VTI1A: variants seen among roughly 807,000 people sequenced by gnomAD.
The protein encoded by VTI1A is vesicle transport through interaction with t-SNAREs 1A.
In VTI1A, 22 loss-of-function variants were observed where a neutral mutation model predicts 34.9. That is an observed-to-expected ratio of 0.63 (90% CI 0.45 to 0.90). VTI1A has a LOEUF of 0.90. Among genes scored for constraint, VTI1A ranks in the 40% least tolerant of loss-of-function variants. VTI1A has a pLI of 0.00. For missense variants in VTI1A, 268 were observed against 275.6 expected, an observed-to-expected ratio of 0.97 and a Z score of 0.20; for synonymous variants, 87 against 97.3, an observed-to-expected ratio of 0.89 and a Z score of 0.62.
chr10:112,514,800 A>G (rs34139797), intron 3 of VTI1A, among the ~76,000 whole-genome samples: 21,028 of 151,952 alleles, frequency 0.14, 1,764 homozygotes, highest in East Asian at 0.28. Context: ...TTGAAGCATT[A>G]TATTTCACCT....
At chr10:112,548,194 C>T (rs1851207990) in intron 5 of VTI1A, among the ~76,000 whole-genome samples, 1 of 152,190 alleles carries the variant, frequency 6.6e-6, no homozygotes, top group Non-Finnish European at 1.5e-5. Context: ...TGGTTCTTGA[C>T]ACTGTCTTTC....
intron 7 of VTI1A, chr10:112,752,515 A>C: frequency 1.0e-6 from 1 of 985,430 alleles, no homozygotes; most frequent in Non-Finnish European, 1.2e-6. Context: ...GCTATTTGAG[A>C]AATCTTTGAA....
intron 5 of VTI1A, among the ~76,000 whole-genome samples, chr10:112,605,458 C>T (rs1589964266): frequency 6.6e-6 from 1 of 152,304 alleles, no homozygotes; most frequent in Admixed American, 6.5e-5. Flanking sequence ...TGTTTCTCCA[C>T]TACAACCTTA....
At position 112,670,891 on chromosome 10, in the gene VTI1A, T is replaced by C. The variant is rs566750015; in HGVS notation, c.560+1893T>C. Reference sequence around the variant, plus strand: ...GGGTATGCTTAAGTCCACCTGTTCATATGCATGACAATGTTTTTCACTAGG... The same window carrying C: ...GGGTATGCTTAAGTCCACCTGTTCACATGCATGACAATGTTTTTCACTAGG... On this transcript the variant is annotated intron_variant, in intron 7 of 7. Coordinates refer to ENST00000393077, the MANE Select transcript of VTI1A (RefSeq NM_145206.4). Among the ~76,000 whole-genome samples, 170 of 152,322 alleles carry C rather than the reference T, an allele frequency of 1.1e-3. 1 individual carries two copies. Among genetic ancestry groups the C allele is most frequent in the African/African-American group, 4.0e-3 (168 of 41,568 alleles).
At chr10:112,555,135 CAT>C (rs1268647457) in intron 5 of VTI1A, among the ~76,000 whole-genome samples, 1 of 151,856 alleles carries the variant, frequency 6.6e-6, no homozygotes, top group Admixed American at 6.6e-5. Flanking sequence ...AATTTTCTAA[CAT>C]GTTACTATTT....
intron 4 of VTI1A, among the ~76,000 whole-genome samples, chr10:112,534,622 A>G (rs745918673): frequency 6.6e-6 from 1 of 152,182 alleles, no homozygotes; most frequent in Non-Finnish European, 1.5e-5. Flanking sequence ...CAGAAAAAGT[A>G]ATAATGATAT....
chr10:112,488,433 A>G (rs1195618832), intron 3 of VTI1A, among the ~76,000 whole-genome samples: 5 of 152,094 alleles, frequency 3.3e-5, no homozygotes, highest in Admixed American at 3.3e-4. Context: ...AGCTTTCCTA[A>G]GTCTGACTAA....
At chr10:112,846,594 G>A in the VTI1A span, among the ~76,000 whole-genome samples, 4 of 151,968 alleles carry the variant, frequency 2.6e-5, no homozygotes, top group South Asian at 2.1e-4. Flanking sequence ...GTGAAACCCC[G>A]TCTCTACTAA....
intron 5 of VTI1A, among the ~76,000 whole-genome samples, chr10:112,635,532 T>C (rs1401234645): frequency 6.6e-6 from 1 of 152,168 alleles, no homozygotes; most frequent in Non-Finnish European, 1.5e-5. Flanking sequence ...TTGGTGAGCA[T>C]GGCCAGAGTG....
chr10:112,778,495 T>C (rs571458922), intron 7 of VTI1A, among the ~76,000 whole-genome samples: 1 of 148,398 alleles, frequency 6.7e-6, no homozygotes, highest in East Asian at 2.1e-4. Context: ...TCATAAAATG[T>C]TGTATTTTTA....
At chr10:112,489,214 C>T (rs574454088) in intron 3 of VTI1A, among the ~76,000 whole-genome samples, 298 of 152,244 alleles carry the variant, frequency 2.0e-3, no homozygotes, top group African/African-American at 6.8e-3. Flanking sequence ...GAGAACTACT[C>T]GAGTGGATGA....
chr10:112,482,704 G>A (rs1848494144), intron 3 of VTI1A, among the ~76,000 whole-genome samples: 1 of 152,066 alleles, frequency 6.6e-6, no homozygotes, highest in African/African-American at 2.4e-5. Context: ...ATATTAGCAA[G>A]CAATATTTTA....
intron 5 of VTI1A, among the ~76,000 whole-genome samples, chr10:112,586,755 A>G (rs926032701): frequency 4.6e-5 from 7 of 152,188 alleles, no homozygotes; most frequent in Admixed American, 2.6e-4. Flanking sequence ...TCTCATAGCC[A>G]TGGTAAAAAA....
chr10:112,782,135 T>C (rs745748761), intron 7 of VTI1A, among the ~76,000 whole-genome samples: 6 of 152,278 alleles, frequency 3.9e-5, no homozygotes, highest in Non-Finnish European at 7.3e-5. Flanking sequence ...CTAGAAGCTC[T>C]GTGAGGACAG....
At chr10:112,687,233 T>TC (rs1322341581) in intron 7 of VTI1A, among the ~76,000 whole-genome samples, 2 of 133,868 alleles carry the variant, frequency 1.5e-5, no homozygotes, top group African/African-American at 5.8e-5. Context: ...TTTTTTTTTT[T>TC]TTTTTTTTTT....
intron 7 of VTI1A, among the ~76,000 whole-genome samples, chr10:112,696,544 G>A (rs548739077): frequency 6.6e-6 from 1 of 152,132 alleles, no homozygotes; most frequent in Non-Finnish European, 1.5e-5. Context: ...ACGTGGGATT[G>A]CTAAAATGAA....
At position 112,559,448 on chromosome 10, in the gene VTI1A, T is replaced by C. The variant is rs555754806; in HGVS notation, c.427+21118T>C. The stretch of plus-strand genomic sequence containing the variant: ...TTGAGACCTCATCATCTCGTCAGTA[T>C]TGAGAAAAAGGTAGAGCGATGGTGT... On this transcript the variant is annotated intron_variant, in intron 5 of 7. Transcript: ENST00000393077. Among the ~76,000 whole-genome samples the C allele has an allele frequency of 5.9e-5, 9 of 152,286 alleles. No individual in the cohort carries two copies. The South Asian group carries it at 1.9e-3, about 32-fold the overall frequency.
At chr10:112,503,972 T>C (rs1849332003) in intron 3 of VTI1A, among the ~76,000 whole-genome samples, 1 of 152,206 alleles carries the variant, frequency 6.6e-6, no homozygotes, top group African/African-American at 2.4e-5. Flanking sequence ...TGGGGATTCC[T>C]TCTTTTTCCC....
At chr10:112,661,869 G>C (rs556032700) in intron 5 of VTI1A, among the ~76,000 whole-genome samples, 2 of 149,110 alleles carry the variant, frequency 1.3e-5, no homozygotes, top group South Asian at 4.3e-4. Context: ...GCAGGTTCAA[G>C]TAATTCTCCT....
Sources: allele counts gnomAD v4.1 joint callset (sites outside exome capture counted in the v4.1 genomes callset), GRCh38; gene constraint gnomAD v4.1.1; transcripts MANE v1.5; gene names NCBI Gene and HGNC (gene_info 2026-07-23, HGNC 2026-07-21).